Variants in ADAMTSL1 observed in about 807,000 individuals in gnomAD.
ADAMTSL1 encodes ADAMTS like 1.
ADAMTSL1 carries 126 observed loss-of-function variants against 201.8 expected under a neutral mutation model. The ratio of observed to expected loss-of-function variants is 0.62; its 90% CI spans 0.54 to 0.72. ADAMTSL1 has a LOEUF of 0.72. Ranked by LOEUF, ADAMTSL1 falls within the 30% of genes least tolerant of loss-of-function variation. The pLI is 0.00. For synonymous variants in ADAMTSL1, 1,121 were observed against 903.4 expected (o/e 1.24, Z -4.32); for missense variants, 2,679 against 2,277.8 (o/e 1.18, Z -3.59).
chr9:18,270,597 G>A (rs1469906523), intron 2 of ADAMTSL1, among the ~76,000 whole-genome samples: 1 of 152,146 alleles, frequency 6.6e-6, no homozygotes, highest in African/African-American at 2.4e-5. Flanking sequence ...TAATAATCCA[G>A]TCAGCCTATT....
chr9:17,978,145 A>G (rs1485194273), intron 1 of ADAMTSL1, among the ~76,000 whole-genome samples: 3 of 152,014 alleles, frequency 2.0e-5, no homozygotes, highest in Non-Finnish European at 4.4e-5. Flanking sequence ...TTTCATTTGT[A>G]TGGAATATCT....
At chr9:18,715,689 C>G (rs1401457276) in intron 14 of ADAMTSL1, among the ~76,000 whole-genome samples, 1 of 151,954 alleles carries the variant, frequency 6.6e-6, no homozygotes, top group Non-Finnish European at 1.5e-5. Flanking sequence ...TCAATGCCAT[C>G]CCCATCAAGC....
At chr9:18,123,174 C>G (rs1353957905) in intron 1 of ADAMTSL1, among the ~76,000 whole-genome samples, 1 of 152,174 alleles carries the variant, frequency 6.6e-6, no homozygotes, top group Admixed American at 6.5e-5. Context: ...TATTAGAATT[C>G]TTAACTCCTA....
chr9:18,070,835 A>G (rs1050990049), intron 1 of ADAMTSL1, among the ~76,000 whole-genome samples: 4 of 152,104 alleles, frequency 2.6e-5, no homozygotes, highest in Non-Finnish European at 4.4e-5. Flanking sequence ...AGGACTGCAC[A>G]CTCATCCCCA....
At chr9:18,723,184 A>G in intron 15 of ADAMTSL1, 1 of 707,372 alleles carries the variant, frequency 1.4e-6, no homozygotes, top group Non-Finnish European at 2.6e-6. Flanking sequence ...TGATGATCTG[A>G]GATCCCATGA....
At chr9:17,983,361 G>A (rs1488283926) in intron 1 of ADAMTSL1, among the ~76,000 whole-genome samples, 6 of 151,930 alleles carry the variant, frequency 3.9e-5, no homozygotes, top group Admixed American at 3.9e-4. Context: ...GAGCCACCTC[G>A]CCCGGCCCCT....
At chr9:18,691,977 A>G (rs1458224206) in intron 13 of ADAMTSL1, among the ~76,000 whole-genome samples, 2 of 152,178 alleles carry the variant, frequency 1.3e-5, no homozygotes, top group East Asian at 3.9e-4. Flanking sequence ...AAATGGAGAA[A>G]TTGAGGCAGC....
At chr9:18,554,520 C>G (rs117958518) in intron 3 of ADAMTSL1, among the ~76,000 whole-genome samples, 2,941 of 151,810 alleles carry the variant, frequency 0.019, 38 homozygotes, top group Non-Finnish European at 0.03. Flanking sequence ...TTTACATTCC[C>G]AAATGTCCGC....
intron 1 of ADAMTSL1, among the ~76,000 whole-genome samples, chr9:17,935,199 C>T (rs188286387): frequency 6.6e-6 from 1 of 152,060 alleles, no homozygotes; most frequent in African/African-American, 2.4e-5. Context: ...TTAACACACA[C>T]AGTCATGCCC....
chr9:18,635,847 T>A, intron 5 of ADAMTSL1, 96 bp from the exon 6 acceptor site: 1 of 1,014,378 alleles, frequency 9.9e-7, no homozygotes, highest in South Asian at 1.5e-5. Flanking sequence ...AAACTGTAGT[T>A]TTTAAGGTAT....
At chr9:18,694,739 G>T (rs943900387) in intron 13 of ADAMTSL1, among the ~76,000 whole-genome samples, 6 of 152,130 alleles carry the variant, frequency 3.9e-5, no homozygotes, top group Non-Finnish European at 7.4e-5. Flanking sequence ...CCATTCTGGG[G>T]TCTGCAGGAT....
rs546753448 is a variant in ADAMTSL1, at chr9:18,474,218, G to C, written c.-15G>C. 1.9e-6 allele frequency: 3 copies of C among 1,613,930 alleles called. No individual in the cohort carries two copies. Among genetic ancestry groups the C allele is most frequent in the East Asian group, 2.2e-5 (1 of 44,874 alleles). On this transcript the variant is annotated 5_prime_UTR_variant, in exon 1 of 29. Coordinates refer to ENST00000380548, the MANE Select transcript of ADAMTSL1 (RefSeq NM_001040272.6). ...TTATTCAGTGTCCGATTCTGATTCC[G>C]GCAAGGATCCAAGCATGGAATGCTG...
At chr9:18,528,064 G>A (rs1423291576) in intron 2 of ADAMTSL1, among the ~76,000 whole-genome samples, 2 of 152,096 alleles carry the variant, frequency 1.3e-5, no homozygotes, top group Non-Finnish European at 2.9e-5. Context: ...TTTTATTAGA[G>A]ACGGGGTTTC....
At chr9:18,227,123 CA>C (rs1396760060) in intron 2 of ADAMTSL1, among the ~76,000 whole-genome samples, 4 of 151,996 alleles carry the variant, frequency 2.6e-5, no homozygotes, top group African/African-American at 9.7e-5. Flanking sequence ...TTTTTCCTAA[CA>C]AAACATTACC....
chr9:18,502,748 A>G (rs1822909061), intron 1 of ADAMTSL1, among the ~76,000 whole-genome samples: 1 of 152,144 alleles, frequency 6.6e-6, no homozygotes, highest in African/African-American at 2.4e-5. Flanking sequence ...GGCAGATGCA[A>G]TATGACAAGA....
chr9:18,109,166 G>A (rs1824893792), intron 1 of ADAMTSL1, among the ~76,000 whole-genome samples: 1 of 152,080 alleles, frequency 6.6e-6, no homozygotes, highest in Non-Finnish European at 1.5e-5. Context: ...GAAGTTTGTT[G>A]GAGGAAATAA....
intron 20 of ADAMTSL1, among the ~76,000 whole-genome samples, chr9:18,800,828 G>A (rs1365211784): frequency 1.3e-5 from 2 of 152,120 alleles, no homozygotes; most frequent in Non-Finnish European, 2.9e-5. Flanking sequence ...CTAAGTATGG[G>A]GTCCCTTGGC....
chr9:18,662,221 T>A, intron 9 of ADAMTSL1, 148 bp downstream of exon 9: 1 of 1,080,368 alleles, frequency 9.3e-7, no homozygotes, highest in Non-Finnish European at 1.3e-6. Flanking sequence ...TAATCACGTG[T>A]TATTAGTACC....
At chr9:18,693,244 AT>A (rs897106933) in intron 13 of ADAMTSL1, among the ~76,000 whole-genome samples, 8 of 152,226 alleles carry the variant, frequency 5.3e-5, no homozygotes, top group African/African-American at 1.9e-4. Flanking sequence ...CTGCCCCTTA[AT>A]TTTTTTATTC....
Sources: allele counts gnomAD v4.1 joint callset (sites outside exome capture counted in the v4.1 genomes callset), GRCh38; gene constraint gnomAD v4.1.1; transcripts MANE v1.5; gene names NCBI Gene and HGNC (gene_info 2026-07-23, HGNC 2026-07-21).